The following BACH2 variants were observed in gnomAD, a reference collection of about 807,000 sequenced individuals.
BACH2 encodes the protein transcription regulator protein BACH2.
Under a neutral mutation model 61.8 loss-of-function variants are expected in BACH2, and 5 were observed. That is an observed-to-expected ratio of 0.08 (90% CI 0.04 to 0.17). The LOEUF (loss-of-function observed/expected upper bound fraction) is 0.17. BACH2 is among the 10% of genes least tolerant of loss of function. The pLI is 1.00. For missense variants in BACH2, 824 were observed against 1,091.1 expected (o/e 0.76, Z 3.45); for synonymous variants, 446 against 440.1 (o/e 1.01, Z -0.17).
chr6:90,154,266 G>A (rs1338516871), intron 4 of BACH2, among the ~76,000 whole-genome samples: 1 of 152,160 alleles, frequency 6.6e-6, no homozygotes, highest in Admixed American at 6.5e-5. Context: ...AGTGACAGAT[G>A]AGATGAACAA....
At chr6:90,226,066 G>T (rs1323450507) in intron 3 of BACH2, among the ~76,000 whole-genome samples, 2 of 152,160 alleles carry the variant, frequency 1.3e-5, no homozygotes, top group Non-Finnish European at 2.9e-5. Context: ...GAGAACCACT[G>T]CCCTACAGAA....
rs1777545442 is a variant in BACH2 at position 90,008,753 on chromosome 6, C to T, written c.92G>A (p.Arg31Gln). The change falls in exon 6 of 9, where the codon CGG (arginine) becomes CAG (glutamine). Residue 31 changes from arginine (R) to glutamine (Q), a missense_variant. By Grantham distance (43) the Arg-to-Gln change is conservative. Coordinates refer to ENST00000257749, the MANE Select transcript of BACH2 (RefSeq NM_021813.4). This position sits in a 1 kb window ranked among gnomAD's most constrained non-coding sequence, Gnocchi z 4.1. ...TNILLGLNDQ[R>Q]KKDILCDVTL... ...CACGTCACAGAGAATATCCTTTTTC[C>T]GCTGGTCATTGAGGCCCAGGAGGAT... 13 of 1,614,164 alleles carry T rather than the reference C, an allele frequency of 8.1e-6. No homozygotes were observed. The highest frequency in any genetic ancestry group is 1.1e-5 in the South Asian group (1 of 91,088).
intron 4 of BACH2, among the ~76,000 whole-genome samples, chr6:90,132,917 G>C (rs1784125371): frequency 6.6e-6 from 1 of 152,128 alleles, no homozygotes; most frequent in Non-Finnish European, 1.5e-5. Flanking sequence ...CTTCTGTCCA[G>C]TTACGCTCCA....
At chr6:90,279,413 C>T (rs560100322) in intron 1 of BACH2, among the ~76,000 whole-genome samples, 40 of 151,676 alleles carry the variant, frequency 2.6e-4, no homozygotes, top group South Asian at 1.7e-3. Flanking sequence ...ATCGCAGCCA[C>T]TCAAGAGGCT....
chr6:90,221,274 A>G (rs1769725357), intron 3 of BACH2, among the ~76,000 whole-genome samples: 1 of 152,162 alleles, frequency 6.6e-6, no homozygotes, highest in South Asian at 2.1e-4. Context: ...TCAAAGTTAT[A>G]ATTTTTTAAT....
chr6:90,111,318 T>C (rs1783161508), intron 4 of BACH2, among the ~76,000 whole-genome samples: 1 of 152,198 alleles, frequency 6.6e-6, no homozygotes, highest in Non-Finnish European at 1.5e-5. Flanking sequence ...GCTTTTACTT[T>C]TGCCTCTGTA....
chr6:90,106,640 T>C (rs1329385248), intron 4 of BACH2, among the ~76,000 whole-genome samples: 4 of 149,438 alleles, frequency 2.7e-5, no homozygotes, highest in African/African-American at 7.3e-5. Flanking sequence ...TGAATGACTG[T>C]GCTATTATGA....
At chr6:90,156,183 C>A (rs890822988) in intron 4 of BACH2, among the ~76,000 whole-genome samples, 1 of 151,956 alleles carries the variant, frequency 6.6e-6, no homozygotes, top group Non-Finnish European at 1.5e-5. Context: ...AGGTAGGTAT[C>A]GAGTGGTGTA....
At position 89,950,207 on chromosome 6, in the gene BACH2, G is replaced by A; in HGVS notation, c.1836+63C>T. On this transcript the variant is annotated intron_variant, in intron 7 of 8. Coordinates refer to ENST00000257749, the MANE Select transcript of BACH2 (RefSeq NM_021813.4). The surrounding 1 kb of genome is among the most constrained non-coding windows in gnomAD (Gnocchi z 5.3). ...CAATGTGGGAGTGGTGGGGGGCAGG[G>A]AGTAGTCCAGATAAAGGGCCTAGAG... 1.3e-6 allele frequency: 2 copies of A among 1,566,556 alleles called. No homozygotes were observed. Among genetic ancestry groups the A allele is most frequent in the Non-Finnish European group, 1.8e-6 (2 of 1,137,324 alleles).
At chr6:90,268,457 A>C (rs1184574171) in intron 2 of BACH2, among the ~76,000 whole-genome samples, 1 of 152,220 alleles carries the variant, frequency 6.6e-6, no homozygotes, top group African/African-American at 2.4e-5. Context: ...TGGACTCTGC[A>C]GACCAGCCCT....
At chr6:90,090,677 G>A (rs1476217340) in intron 4 of BACH2, among the ~76,000 whole-genome samples, 1 of 152,114 alleles carries the variant, frequency 6.6e-6, no homozygotes, top group Non-Finnish European at 1.5e-5. Flanking sequence ...AGTTAGATGT[G>A]GACAGTGGGG....
intron 4 of BACH2, among the ~76,000 whole-genome samples, chr6:90,132,663 C>G (rs1784118523): frequency 6.6e-6 from 1 of 152,216 alleles, no homozygotes. Context: ...CACTGGTCTT[C>G]CATCTCTGGT....
At position 90,051,037 on chromosome 6, in the gene BACH2, G is replaced by T. The variant is rs139038921; in HGVS notation, c.-13+37924C>A. On this transcript the variant is annotated intron_variant, in intron 5 of 8. Transcript: ENST00000257749. ...TCCATCCACCTCAGCCTCCCAAAGT[G>T]CTGGGATTACAGGCTTTTACAGGCT... 9.8e-3 allele frequency among the ~76,000 whole-genome samples: 1,493 copies of T among 152,146 alleles called. 19 individuals are homozygous for T. The highest frequency in any genetic ancestry group is 0.032 in the African/African-American group (1,345 of 41,494).
At chr6:90,194,789 C>T (rs186541973) in intron 4 of BACH2, among the ~76,000 whole-genome samples, 56 of 152,296 alleles carry the variant, frequency 3.7e-4, no homozygotes, top group African/African-American at 1.3e-3. Flanking sequence ...CATCCCTCAC[C>T]CATGACTTCT....
chr6:89,936,250 T>C, intron 8 of BACH2, among the ~76,000 whole-genome samples: 1 of 152,238 alleles, frequency 6.6e-6, no homozygotes, highest in Middle Eastern at 3.4e-3. Flanking sequence ...CACAGGCAGG[T>C]GCCCAGCCTA....
intron 5 of BACH2, among the ~76,000 whole-genome samples, chr6:90,058,175 G>A (rs556301680): frequency 1.8e-3 from 271 of 152,338 alleles, no homozygotes; most frequent in African/African-American, 6.4e-3. Flanking sequence ...AAAAGAGGAA[G>A]TCAAATTGTC....
intron 3 of BACH2, among the ~76,000 whole-genome samples, chr6:90,231,985 CAG>C (rs542457957): frequency 1.8e-3 from 260 of 148,310 alleles, no homozygotes; most frequent in East Asian, 2.8e-3. Flanking sequence ...GAGAGAGAGA[CAG>C]AGAGAGAGAG....
At chr6:90,000,389 ATTT>A (rs1562358472) in intron 6 of BACH2, among the ~76,000 whole-genome samples, 4 of 152,272 alleles carry the variant, frequency 2.6e-5, no homozygotes, top group Admixed American at 2.6e-4. Context: ...TTGACTTCTT[ATTT>A]ATTTGCTTTT....
chr6:89,999,478 T>A (rs924024337), intron 6 of BACH2, among the ~76,000 whole-genome samples: 1 of 145,490 alleles, frequency 6.9e-6, no homozygotes, highest in Non-Finnish European at 1.5e-5. Flanking sequence ...GGGTGTAGGG[T>A]GTAATCTGGA....
Sources: gnomAD v4.1 joint callset for allele counts (sites outside exome capture counted in the v4.1 genomes callset) on GRCh38, gnomAD v4.1.1 for gene constraint, Gnocchi (gnomAD v3.1) non-coding constraint, MANE v1.5 for transcripts, NCBI Gene and HGNC (gene_info 2026-07-23, HGNC 2026-07-21) for gene names.